GABPB1: variants seen among roughly 807,000 people sequenced by gnomAD.
The protein encoded by GABPB1 is GA binding protein transcription factor subunit beta 1, also known as GA-binding protein subunit beta-1.
Under a neutral mutation model 45.9 loss-of-function variants are expected in GABPB1, and 15 were observed. That is an observed-to-expected ratio of 0.33 (90% confidence interval 0.22 to 0.50). GABPB1 has a LOEUF of 0.50. GABPB1 is among the 20% of genes least tolerant of loss of function. The probability of loss-of-function intolerance (pLI) is 0.98; values close to 1 mark genes in which losing one functional copy is unlikely to be tolerated. For missense variants in GABPB1, 252 were observed against 457.5 expected, an observed-to-expected ratio of 0.55 and a Z score of 4.10; for synonymous variants, 143 against 154.4, an observed-to-expected ratio of 0.93 and a Z score of 0.55.
At chr15:50,290,096 C>CCTGTACATGG in intron 6 of GABPB1, among the ~76,000 whole-genome samples, 1 of 152,110 alleles carries the variant, frequency 6.6e-6, no homozygotes, top group South Asian at 2.1e-4. Context: ...CCCAGGAAAA[C>CCTGTACATGG]TTGTACATGG....
At chr15:50,284,046 A>G (rs2046080458) in intron 8 of GABPB1, among the ~76,000 whole-genome samples, 1 of 152,142 alleles carries the variant, frequency 6.6e-6, no homozygotes, top group South Asian at 2.1e-4. Context: ...GAATGCCACT[A>G]GTCATGACAA....
chr15:50,345,299 A>C (rs1156354703), intron 1 of GABPB1, among the ~76,000 whole-genome samples: 7 of 152,228 alleles, frequency 4.6e-5, no homozygotes, highest in Non-Finnish European at 1.5e-5. Flanking sequence ...CTGAAGCGAC[A>C]ATCTGAATTA....
chr15:50,298,238 C>T (rs1201414291), intron 6 of GABPB1, among the ~76,000 whole-genome samples: 1 of 152,096 alleles, frequency 6.6e-6, no homozygotes, highest in Non-Finnish European at 1.5e-5. Flanking sequence ...AACACAGGCA[C>T]CTGCCACCAT....
intron 1 of GABPB1, among the ~76,000 whole-genome samples, chr15:50,314,965 G>C (rs1464603944): frequency 6.6e-6 from 1 of 152,148 alleles, no homozygotes; most frequent in Non-Finnish European, 1.5e-5. Flanking sequence ...TTATGTGCTG[G>C]TATAAGTATT....
At chr15:50,304,714 G>GAA (rs1230865292) in intron 2 of GABPB1, among the ~76,000 whole-genome samples, 3 of 105,414 alleles carry the variant, frequency 2.8e-5, no homozygotes, top group Non-Finnish European at 4.1e-5. Flanking sequence ...TTGGTCTAAA[G>GAA]AAAAAAAAAA....
At chr15:50,323,986 G>C (rs1287488564) in intron 1 of GABPB1, among the ~76,000 whole-genome samples, 2 of 152,182 alleles carry the variant, frequency 1.3e-5, no homozygotes, top group Non-Finnish European at 2.9e-5. Flanking sequence ...TGGATTGCTC[G>C]AACCCTGGAG....
intron 8 of GABPB1, among the ~76,000 whole-genome samples, chr15:50,281,425 A>G (rs528756962): frequency 1.3e-5 from 2 of 152,082 alleles, no homozygotes; most frequent in Admixed American, 6.6e-5. Flanking sequence ...GTTAGCCAGG[A>G]TGGTCTCAAT....
chr15:50,310,966 ACT>A (rs1459531075), intron 1 of GABPB1, among the ~76,000 whole-genome samples: 1 of 128,612 alleles, frequency 7.8e-6, no homozygotes, highest in Non-Finnish European at 1.6e-5. Context: ...AACAAAGTAA[ACT>A]CTGTCTCAAA....
At chr15:50,334,441 C>T (rs189175262) in intron 1 of GABPB1, among the ~76,000 whole-genome samples, 110 of 151,836 alleles carry the variant, frequency 7.2e-4, no homozygotes, top group African/African-American at 2.4e-3. Flanking sequence ...TCTGATGTGT[C>T]CAATCTGCTG....
chr15:50,294,018 A>C (rs950913691), intron 6 of GABPB1, among the ~76,000 whole-genome samples: 1 of 152,210 alleles, frequency 6.6e-6, no homozygotes, highest in Non-Finnish European at 1.5e-5. Context: ...CTATAACATA[A>C]ATATTCATTG....
intron 6 of GABPB1, among the ~76,000 whole-genome samples, chr15:50,297,128 C>T (rs962245781): frequency 9.9e-5 from 15 of 151,726 alleles, no homozygotes; most frequent in Admixed American, 7.2e-4. Flanking sequence ...CCAGGCTTGT[C>T]TTGAACTCCT....
chr15:50,279,107 G>C (rs1345241446), intron 8 of GABPB1, among the ~76,000 whole-genome samples: 1 of 152,130 alleles, frequency 6.6e-6, no homozygotes, highest in Non-Finnish European at 1.5e-5. Context: ...GTTTTTAAGA[G>C]GGAAATATAC....
chr15:50,320,132 C>T (rs375030995), intron 1 of GABPB1, among the ~76,000 whole-genome samples: 101 of 152,292 alleles, frequency 6.6e-4, no homozygotes, highest in African/African-American at 2.3e-3. Flanking sequence ...TGTTTGGCAA[C>T]TTGCCTTTTT....
Position 50,278,677 on chromosome 15 carries a change from C to T in GABPB1, c.1107G>A (p.Lys369=). The T allele has an allele frequency of 1.2e-6, 2 of 1,613,414 alleles. No individual in the cohort carries two copies. Among genetic ancestry groups the T allele is most frequent in the East Asian group, 2.2e-5 (1 of 44,820 alleles). Residue 369 remains lysine, a synonymous_variant, in exon 9 of 9, where the codon AAG becomes AAA. Coordinates refer to ENST00000380877, the MANE Select transcript of GABPB1 (RefSeq NM_016654.5). ...TCTGAAGACGAGTCATAGCTTCCAA[C>T]TTCTGTCTGTAGGCCTCTGCTTCCT... The part of the protein sequence containing the change: ...KEQEAEAYRQ[K]LEAMTRLQTN...
chr15:50,330,133 G>C lies in GABPB1; in HGVS notation c.1-20335C>G, dbSNP rs181773552. ...TGCCCAGGCTGGTCTCAAACTCCGG[G>C]GCTCAAGCAATCCTCCCACCTCAGC... On this transcript the variant is annotated intron_variant, in intron 1 of 8. Transcript: ENST00000380877. 2.6e-5 allele frequency among the ~76,000 whole-genome samples: 4 copies of C among 151,900 alleles called. No individual in the cohort carries two copies. The East Asian group carries it at 7.7e-4, about 29-fold the overall frequency.
At chr15:50,303,403 G>A (rs1477738401) in intron 3 of GABPB1, among the ~76,000 whole-genome samples, 1 of 152,128 alleles carries the variant, frequency 6.6e-6, no homozygotes, top group Non-Finnish European at 1.5e-5. Flanking sequence ...AAAATTAAGG[G>A]CCGGACATGG....
intron 1 of GABPB1, among the ~76,000 whole-genome samples, chr15:50,331,849 TC>T (rs2047957454): frequency 6.6e-6 from 1 of 151,486 alleles, no homozygotes; most frequent in African/African-American, 2.4e-5. Flanking sequence ...TTTCCATTTG[TC>T]CCGTTCAGTT....
At chr15:50,321,702 A>AG (rs1184419998) in intron 1 of GABPB1, among the ~76,000 whole-genome samples, 1 of 110,428 alleles carries the variant, frequency 9.1e-6, no homozygotes, top group Non-Finnish European at 2.2e-5. Context: ...ACTCCGTCTC[A>AG]GAAAAAAAAA....
chr15:50,309,795 A>G lies in GABPB1; in HGVS notation c.4T>C (p.Ser2Pro). The change falls in exon 2 of 9, where the codon TCC becomes CCC. Residue 2 changes from serine (S) to proline (P), a missense_variant. By Grantham distance (74) the Ser-to-Pro change is moderately conservative. Around this residue, in one of 4 missense-constraint regions of GABPB1, gnomAD observed 35 missense variants for 143.7 expected, o/e 0.24. Coordinates refer to ENST00000380877, the MANE Select transcript of GABPB1 (RefSeq NM_016654.5). ...AGCTTCTTTCCCAAATCTACCAGGG[A>G]CATCTAAACAAAACATAGATGAACT... is the stretch of plus-strand genomic sequence containing the variant. MSLVDLGKKLLE... is the reference protein window; with the variant it reads MPLVDLGKKLLE... The G allele has an allele frequency of 6.3e-7, 1 of 1,595,734 alleles. No individual in the cohort carries two copies. Among genetic ancestry groups the G allele is most frequent in the Non-Finnish European group, 8.6e-7 (1 of 1,163,686 alleles).
Sources: allele counts gnomAD v4.1 joint callset (sites outside exome capture counted in the v4.1 genomes callset), GRCh38; gene constraint gnomAD v4.1.1; regional missense constraint gnomAD v4.1.1; transcripts MANE v1.5; gene names NCBI Gene and HGNC (gene_info 2026-07-23, HGNC 2026-07-21).